Variants in THSD7B observed in about 807,000 individuals in gnomAD.
THSD7B encodes the protein thrombospondin type-1 domain-containing protein 7B.
In THSD7B, 138 loss-of-function variants were observed where a neutral mutation model predicts 213.6. The ratio of observed to expected loss-of-function variants is 0.65; its 90% CI spans 0.56 to 0.74. The LOEUF (loss-of-function observed/expected upper bound fraction) is 0.74. Among genes scored for constraint, THSD7B ranks in the 30% least tolerant of loss-of-function variants. The pLI, the probability that THSD7B is intolerant of heterozygous loss-of-function variation, is 0.00. For synonymous variants in THSD7B, 742 were observed against 687.0 expected (o/e 1.08, Z -1.25); for missense variants, 1,931 against 1,991.5 (o/e 0.97, Z 0.58).
At chr2:136,818,514 A>T (rs1230025127) in intron 1 of THSD7B, among the ~76,000 whole-genome samples, 4 of 151,852 alleles carry the variant, frequency 2.6e-5, no homozygotes, top group African/African-American at 9.7e-5. Context: ...AACCTGCACA[A>T]TGTGCAGATG....
At chr2:137,385,827 C>T (rs184571779) in intron 12 of THSD7B, among the ~76,000 whole-genome samples, 4 of 152,256 alleles carry the variant, frequency 2.6e-5, no homozygotes, top group African/African-American at 9.6e-5. Context: ...GTTTCAAAGT[C>T]ATTATGAAGG....
At chr2:137,072,719 A>C (rs1687522948) in intron 3 of THSD7B, among the ~76,000 whole-genome samples, 1 of 152,170 alleles carries the variant, frequency 6.6e-6, no homozygotes, top group South Asian at 2.1e-4. Context: ...TTGCCCATTC[A>C]GTATGATATT....
chr2:136,796,992 A>ACACT (rs1682079338), intron 1 of THSD7B, among the ~76,000 whole-genome samples: 2 of 138,730 alleles, frequency 1.4e-5, no homozygotes, highest in African/African-American at 6.8e-5. Flanking sequence ...ACACACACAC[A>ACACT]CACACACACA....
chr2:137,227,731 A>G (rs550296643), intron 7 of THSD7B, among the ~76,000 whole-genome samples: 4 of 152,102 alleles, frequency 2.6e-5, no homozygotes, highest in Admixed American at 2.0e-4. Flanking sequence ...CTGTGTAATT[A>G]TAAGTTTTTA....
chr2:137,398,827 G>A lies in THSD7B; in HGVS notation c.2501-6786G>A, dbSNP rs186369624. ...TAGCAATCAGCGAGATTCCGTGGGC[G>A]TAGGACCCTCCAAGCCAGGTGCGGG... On this transcript the variant is annotated intron_variant, in intron 12 of 27. Transcript: ENST00000409968. Among the ~76,000 whole-genome samples, 317 of 152,328 alleles carry A rather than the reference G, an allele frequency of 2.1e-3. 1 individual carries two copies. The highest frequency in any genetic ancestry group is 6.9e-3 in the African/African-American group (286 of 41,574).
intron 12 of THSD7B, among the ~76,000 whole-genome samples, chr2:137,393,437 T>G (rs2104982613): frequency 6.7e-6 from 1 of 149,944 alleles, no homozygotes. Flanking sequence ...TACGATAGTT[T>G]ACTGAGAATG....
intron 7 of THSD7B, among the ~76,000 whole-genome samples, chr2:137,215,609 G>A (rs1177049727): frequency 6.6e-6 from 1 of 152,114 alleles, no homozygotes; most frequent in Admixed American, 6.6e-5. Context: ...TGACCACCTA[G>A]TAATAGTCTT....
At chr2:137,007,788 T>C (rs1031284869) in intron 2 of THSD7B, among the ~76,000 whole-genome samples, 1 of 152,134 alleles carries the variant, frequency 6.6e-6, no homozygotes, top group Non-Finnish European at 1.5e-5. Context: ...CTCAGAGAAG[T>C]CTGTATGATG....
intron 8 of THSD7B, 84 bp from the exon 9 acceptor site, chr2:137,232,813 GTC>G (rs1341193392): frequency 7.9e-7 from 1 of 1,265,446 alleles, no homozygotes; most frequent in East Asian, 2.5e-5. Flanking sequence ...CAGCAAAGCT[GTC>G]TCTCTAGACC....
chr2:137,526,320 G>A (rs1251304429), intron 15 of THSD7B, among the ~76,000 whole-genome samples: 1 of 151,974 alleles, frequency 6.6e-6, no homozygotes, highest in East Asian at 1.9e-4. Flanking sequence ...TGGTGCTAGG[G>A]GCTGAGAATG....
At chr2:137,138,758 G>A (rs965082335) in intron 5 of THSD7B, among the ~76,000 whole-genome samples, 1 of 152,140 alleles carries the variant, frequency 6.6e-6, no homozygotes, top group Non-Finnish European at 1.5e-5. Context: ...ATAAGAAAAT[G>A]TGTGGGAAAC....
In THSD7B at chr2:137,028,598, A is replaced by G. The variant is rs544883129; in HGVS notation, c.140-27822A>G. ...TTACTGTGCGAGGCACTGGGGTTAC[A>G]GGGATAAATTGGACAGAGATAGGTA... On this transcript the variant is annotated intron_variant, in intron 2 of 27. Transcript: ENST00000409968. Among the ~76,000 whole-genome samples, 4 of 152,354 alleles carry G rather than the reference A, an allele frequency of 2.6e-5. No individual in the cohort carries two copies. The East Asian group carries it at 7.7e-4, about 29-fold the overall frequency.
intron 4 of THSD7B, among the ~76,000 whole-genome samples, chr2:137,098,068 T>C (rs538316578): frequency 5.3e-5 from 8 of 152,292 alleles, no homozygotes; most frequent in Admixed American, 1.3e-4. Flanking sequence ...TTAAAATTCA[T>C]TGTTAACAAG....
At position 137,637,436 on chromosome 2, in the gene THSD7B, T is replaced by C. The variant is rs559936416; in HGVS notation, c.3800-5052T>C. ...TTTCTCTTACACTTGCATGTACTTATTAGCAATAGTTTTTGTTGAAGTTTA... is the reference window on the plus strand; with the variant it reads ...TTTCTCTTACACTTGCATGTACTTACTAGCAATAGTTTTTGTTGAAGTTTA... On this transcript the variant is annotated intron_variant, in intron 20 of 27. Transcript: ENST00000409968. Among the ~76,000 whole-genome samples the C allele has an allele frequency of 2.8e-3, 432 of 152,338 alleles. 2 individuals carry two copies. Among genetic ancestry groups the C allele is most frequent in the Non-Finnish European group, 4.2e-3 (288 of 68,032 alleles).
intron 1 of THSD7B, among the ~76,000 whole-genome samples, chr2:136,843,538 T>G (rs1371016257): frequency 2.6e-5 from 4 of 152,206 alleles, no homozygotes; most frequent in African/African-American, 9.6e-5. Flanking sequence ...GTTTATGTCT[T>G]GTACTTTCTT....
At chr2:136,854,211 T>TAC (rs140785620) in intron 1 of THSD7B, among the ~76,000 whole-genome samples, 2 of 151,934 alleles carry the variant, frequency 1.3e-5, no homozygotes, top group African/African-American at 4.8e-5. Flanking sequence ...GACACATACT[T>TAC]ACACACACAC....
Position 136,835,333 on chromosome 2 carries a change from T to C in THSD7B, c.-35-46811T>C, listed in dbSNP as rs1284474322. 7.2e-5 allele frequency among the ~76,000 whole-genome samples: 11 copies of C among 152,336 alleles called. No homozygotes were observed. The South Asian group carries it at 2.3e-3, about 32-fold the overall frequency. Reference sequence around the variant, plus strand: ...TTAATTGAGTCCAGGTGTAACTCTCTCATGACTGCTAAGCCATTTTTTCTT... The same window carrying C: ...TTAATTGAGTCCAGGTGTAACTCTCCCATGACTGCTAAGCCATTTTTTCTT... On this transcript the variant is annotated intron_variant, in intron 1 of 27. Transcript: ENST00000409968.
intron 12 of THSD7B, among the ~76,000 whole-genome samples, chr2:137,351,719 T>C (rs1334418247): frequency 6.6e-6 from 1 of 151,954 alleles, no homozygotes; most frequent in Non-Finnish European, 1.5e-5. Context: ...AGCTTAGATG[T>C]AGCTAAGACA....
intron 17 of THSD7B, among the ~76,000 whole-genome samples, chr2:137,596,797 G>A (rs1057477750): frequency 6.6e-6 from 1 of 151,014 alleles, no homozygotes; most frequent in Non-Finnish European, 1.5e-5. Flanking sequence ...ATGTTCTGTG[G>A]TCCAGTAACA....
Sources: gnomAD v4.1 joint callset for allele counts (sites outside exome capture counted in the v4.1 genomes callset) on GRCh38, gnomAD v4.1.1 for gene constraint, MANE v1.5 for transcripts, NCBI Gene and HGNC (gene_info 2026-07-23, HGNC 2026-07-21) for gene names.